PRKCH: variants seen among roughly 807,000 people sequenced by gnomAD.
The protein encoded by PRKCH is protein kinase C eta.
PRKCH carries 28 observed loss-of-function variants against 82.5 expected under a neutral mutation model. That is an observed-to-expected ratio of 0.34 (90% CI 0.25 to 0.47). The LOEUF (loss-of-function observed/expected upper bound fraction) is 0.47, where lower values mean the gene tolerates loss of function less well. Among genes scored for constraint, PRKCH ranks in the 20% least tolerant of loss-of-function variants. PRKCH has a pLI of 1.00. For synonymous variants in PRKCH, 322 were observed against 327.4 expected (o/e 0.98, Z 0.18); for missense variants, 705 against 881.8 (o/e 0.80, Z 2.54).
At chr14:61,457,726 G>T in intron 9 of PRKCH, 47 bp downstream of exon 9, 1 of 1,597,920 alleles carries the variant, frequency 6.3e-7, no homozygotes, top group South Asian at 1.1e-5. Flanking sequence ...TTTTCTTACA[G>T]AGCTGAGACA....
At chr14:61,404,252 C>T (rs1881817882) in intron 2 of PRKCH, among the ~76,000 whole-genome samples, 1 of 145,736 alleles carries the variant, frequency 6.9e-6, no homozygotes, top group Non-Finnish European at 1.5e-5. Context: ...GGAGTGTGGG[C>T]ATGGACAACA....
intron 1 of PRKCH, among the ~76,000 whole-genome samples, chr14:61,249,491 A>T: frequency 6.9e-6 from 1 of 145,648 alleles, no homozygotes; most frequent in East Asian, 2.1e-4. Flanking sequence ...CTTTACAAGT[A>T]TGATGTGCAA....
At chr14:61,467,412 C>T (rs892440566) in intron 9 of PRKCH, among the ~76,000 whole-genome samples, 4 of 152,326 alleles carry the variant, frequency 2.6e-5, no homozygotes, top group African/African-American at 7.2e-5. Flanking sequence ...TGCTTCCCAG[C>T]GCCTCCAGCT....
chr14:61,375,820 A>G (rs536359349), intron 1 of PRKCH, among the ~76,000 whole-genome samples: 1 of 152,124 alleles, frequency 6.6e-6, no homozygotes, highest in Admixed American at 6.5e-5. Context: ...AATTGATTTT[A>G]TAAGAAGTGA....
chr14:61,323,379 G>A, intron 1 of PRKCH, among the ~76,000 whole-genome samples: 1 of 152,158 alleles, frequency 6.6e-6, no homozygotes, highest in East Asian at 1.9e-4. Context: ...AGGTGTCATC[G>A]TTCCCACTTT....
Position 61,373,963 on chromosome 14 carries a change from G to A in PRKCH, c.364-17262G>A, listed in dbSNP as rs144884329. ...GAGTCCGCAATCCAAAGTCTCATCT[G>A]AGACAAAGGCAAGTCCCTTCCACCT... On this transcript the variant is annotated intron_variant, in intron 1 of 13. Coordinates refer to ENST00000332981, the MANE Select transcript of PRKCH (RefSeq NM_006255.5). Among the ~76,000 whole-genome samples the A allele has an allele frequency of 2.0e-4, 31 of 152,226 alleles. No individual in the cohort carries two copies. In the East Asian group the frequency reaches 5.8e-3, roughly 28 times the overall value.
intron 1 of PRKCH, among the ~76,000 whole-genome samples, chr14:61,254,429 A>C (rs1487743995): frequency 6.6e-6 from 1 of 152,106 alleles, no homozygotes; most frequent in Non-Finnish European, 1.5e-5. Context: ...CCTGGGCAAC[A>C]TAGGGAGACT....
intron 2 of PRKCH, among the ~76,000 whole-genome samples, chr14:61,412,427 G>A (rs1397286236): frequency 3.9e-5 from 6 of 152,178 alleles, no homozygotes; most frequent in East Asian, 1.9e-4. Flanking sequence ...TACTTCAACC[G>A]AACCCATATG....
chr14:61,523,949 G>T (rs909569355), intron 10 of PRKCH, among the ~76,000 whole-genome samples: 1 of 152,242 alleles, frequency 6.6e-6, no homozygotes, highest in African/African-American at 2.4e-5. Flanking sequence ...ACGTGCATTG[G>T]CAGGTGCCGA....
At position 61,448,612 on chromosome 14, in the gene PRKCH, T is replaced by C. The variant is rs1260201765; in HGVS notation, c.614-552T>C. On this transcript the variant is annotated intron_variant, in intron 4 of 13. Coordinates refer to ENST00000332981, the MANE Select transcript of PRKCH (RefSeq NM_006255.5). ...GTAGAGTATTTTCATGGAAGAGACA[T>C]TTTCTGAGTTACATCTTGTCCTAAA... Among the ~76,000 whole-genome samples, 3 of 152,092 alleles carry C rather than the reference T, an allele frequency of 2.0e-5. No homozygotes were observed. The East Asian group carries it at 5.8e-4, about 29-fold the overall frequency.
chr14:61,200,765 A>AT (rs1172457211), intron 1 of PRKCH, among the ~76,000 whole-genome samples: 2 of 136,268 alleles, frequency 1.5e-5, no homozygotes, highest in African/African-American at 5.9e-5. Flanking sequence ...ATATATTGTT[A>AT]AGTGTTCTAT....
intron 10 of PRKCH, among the ~76,000 whole-genome samples, chr14:61,507,617 C>G (rs924773546): frequency 6.6e-6 from 1 of 152,014 alleles, no homozygotes; most frequent in Non-Finnish European, 1.5e-5. Context: ...CCTATCATTC[C>G]GGACAGTGTG....
intron 10 of PRKCH, among the ~76,000 whole-genome samples, chr14:61,498,999 T>C (rs113906650): frequency 3.3e-5 from 5 of 152,080 alleles, no homozygotes; most frequent in African/African-American, 1.2e-4. Flanking sequence ...CCTGCTACAG[T>C]GGAACACACA....
chr14:61,467,004 A>G (rs938271817), intron 9 of PRKCH, among the ~76,000 whole-genome samples: 2 of 152,208 alleles, frequency 1.3e-5, no homozygotes, highest in Non-Finnish European at 2.9e-5. Context: ...ACGTGTGCTC[A>G]GTGTACCTGC....
At chr14:61,437,630 G>A (rs1883738856) in intron 2 of PRKCH, among the ~76,000 whole-genome samples, 1 of 151,994 alleles carries the variant, frequency 6.6e-6, no homozygotes, top group Non-Finnish European at 1.5e-5. Flanking sequence ...TACTTTCTAG[G>A]GATACCAGGA....
rs140389285 is a variant in PRKCH at position 61,461,281 on chromosome 14, G to A, written c.1278+3602G>A. On this transcript the variant is annotated intron_variant, in intron 9 of 13. Transcript: ENST00000332981. ...TTCCTTGGCTGGGCACTTTGCCAAC[G>A]TAAAGCCCCTCCCCTGCCCTCACCC... Among the ~76,000 whole-genome samples the A allele has an allele frequency of 1.7e-3, 259 of 152,268 alleles. 2 individuals carry two copies. The highest frequency in any genetic ancestry group is 6.1e-3 in the African/African-American group (252 of 41,558).
At chr14:61,504,000 G>C (rs1037037307) in intron 10 of PRKCH, among the ~76,000 whole-genome samples, 1 of 151,870 alleles carries the variant, frequency 6.6e-6, no homozygotes, top group East Asian at 1.9e-4. Flanking sequence ...AGATAAGAAG[G>C]GTTCAATTAA....
In PRKCH at chr14:61,280,017, G is replaced by T; in HGVS notation, c.-19+92349G>T. 7.7e-7 allele frequency: 1 copy of T among 1,305,190 alleles called. No homozygotes were observed. The highest frequency in any genetic ancestry group is 1.0e-6 in the Non-Finnish European group (1 of 959,244). 80.9% of individuals were successfully genotyped at this position (1,305,190 alleles called of 1,614,324 possible). A position where few individuals can be genotyped will look rare whatever the true frequency, so the allele number is the denominator to read the frequency against. On this transcript the variant is annotated intron_variant, in intron 1 of 3. Coordinates refer to the PRKCH transcript ENST00000555185. The surrounding 1 kb of genome is among the most constrained non-coding windows in gnomAD (Gnocchi z 5.0). ...CTAGGCGAGGTTGGAATTGGGTGAC[G>T]GGCGAGGAGGAGATGCCAAAAGCAC... is the stretch of plus-strand genomic sequence containing the variant.
At chr14:61,397,115 A>T (rs907132372) in intron 2 of PRKCH, among the ~76,000 whole-genome samples, 1 of 152,160 alleles carries the variant, frequency 6.6e-6, no homozygotes, top group Non-Finnish European at 1.5e-5. Context: ...TCAGGGCAAG[A>T]TTATTAGGGC....
Sources: allele counts gnomAD v4.1 joint callset (sites outside exome capture counted in the v4.1 genomes callset), GRCh38; gene constraint gnomAD v4.1.1; non-coding constraint Gnocchi (gnomAD v3.1); transcripts MANE v1.5; gene names NCBI Gene and HGNC (gene_info 2026-07-23, HGNC 2026-07-21).